The following AGPAT5 variants were observed in gnomAD, a reference collection of about 807,000 sequenced individuals.
AGPAT5 encodes the protein 1-acylglycerol-3-phosphate O-acyltransferase 5.
Under a neutral mutation model 45.6 loss-of-function variants are expected in AGPAT5, and 46 were observed. The ratio of observed to expected loss-of-function variants is 1.01; its 90% CI spans 0.80 to 1.29. AGPAT5 has a LOEUF of 1.29. Ranked by LOEUF, AGPAT5 falls within the 50% of genes most tolerant of loss-of-function variation. The pLI, the probability that AGPAT5 is intolerant of heterozygous loss-of-function variation, is 0.00. For missense variants in AGPAT5, 673 were observed against 450.7 expected (o/e 1.49, Z -4.47); for synonymous variants, 272 against 167.0 (o/e 1.63, Z -4.85).
At chr8:6,715,283 C>G (rs1392596256) in intron 1 of AGPAT5, among the ~76,000 whole-genome samples, 2 of 152,146 alleles carry the variant, frequency 1.3e-5, no homozygotes, top group African/African-American at 4.8e-5. Context: ...TTGTGTGGAG[C>G]TCTGTAAAAG....
intron 6 of AGPAT5, among the ~76,000 whole-genome samples, chr8:6,752,021 A>G (rs1478219408): frequency 1.3e-5 from 2 of 152,190 alleles, no homozygotes; most frequent in Admixed American, 6.5e-5. Context: ...TACTAAAAAT[A>G]CAAAAATTAG....
chr8:6,732,386 C>G (rs1033488520), intron 3 of AGPAT5, among the ~76,000 whole-genome samples, 175 bp from the exon 4 acceptor site: 1 of 152,164 alleles, frequency 6.6e-6, no homozygotes, highest in Non-Finnish European at 1.5e-5. Context: ...TGAGACAAGG[C>G]AATTTTCAGC....
At chr8:6,730,332 T>G (rs1800820711) in intron 2 of AGPAT5, among the ~76,000 whole-genome samples, 1 of 22,402 alleles carries the variant, frequency 4.5e-5, no homozygotes, top group Non-Finnish European at 7.5e-5. Flanking sequence ...TTTTTTTTTT[T>G]TTTTTTTTTT....
At chr8:6,719,598 C>T (rs1800437363) in intron 1 of AGPAT5, among the ~76,000 whole-genome samples, 1 of 152,186 alleles carries the variant, frequency 6.6e-6, no homozygotes, top group Admixed American at 6.5e-5. Flanking sequence ...CCATTATCAG[C>T]ACAAGCTAAT....
rs1420168717 is a variant in AGPAT5 at position 6,759,551 on chromosome 8, A to G, written c.*2163A>G. 6.6e-6 allele frequency: 1 copy of G among 152,112 alleles called. No homozygotes were observed. The highest frequency in any genetic ancestry group is 1.5e-5 in the Non-Finnish European group (1 of 68,012). 9.4% of individuals were successfully genotyped at this position (152,112 alleles called of 1,614,324 possible). ...TTGTATTATTACTGATTTACAGCTT[A>G]GTTATTAATTTTTCTTTATAAGAAT... is the stretch of plus-strand genomic sequence containing the variant. On this transcript the variant is annotated 3_prime_UTR_variant, in exon 8 of 8. Transcript: ENST00000285518.
At chr8:6,751,484 G>C (rs761209686) in intron 6 of AGPAT5, among the ~76,000 whole-genome samples, 6 of 152,216 alleles carry the variant, frequency 3.9e-5, no homozygotes, top group Non-Finnish European at 8.8e-5. Flanking sequence ...AGAAGCTGCA[G>C]TGCTAACAAA....
chr8:6,737,920 C>T lies in AGPAT5; in HGVS notation c.496-3741C>T, dbSNP rs1218003090. Among the ~76,000 whole-genome samples, 4 of 152,152 alleles carry T rather than the reference C, an allele frequency of 2.6e-5. No homozygotes were observed. In the East Asian group the frequency reaches 7.7e-4, roughly 29 times the overall value. On this transcript the variant is annotated intron_variant, in intron 4 of 7. Coordinates refer to ENST00000285518, the MANE Select transcript of AGPAT5 (RefSeq NM_018361.5). ...AAGTTTTTTCCTGCCACTTCTTTAC[C>T]TCTCTCAGCCTTCAGAGAATTAAAG...
chr8:6,714,402 A>C (rs1307703295), intron 1 of AGPAT5, among the ~76,000 whole-genome samples: 1 of 152,222 alleles, frequency 6.6e-6, no homozygotes, highest in African/African-American at 2.4e-5. Context: ...CTGGTTAGGG[A>C]ACTGCTTAAC....
intron 7 of AGPAT5, among the ~76,000 whole-genome samples, chr8:6,756,266 C>T (rs1559746): frequency 0.54 from 82,577 of 151,878 alleles, 22,668 homozygotes; most frequent in Non-Finnish European, 0.57. Context: ...AGCCCAGGTG[C>T]AGTGAGCAGT....
At chr8:6,736,943 A>T (rs754301175) in intron 4 of AGPAT5, among the ~76,000 whole-genome samples, 7 of 152,194 alleles carry the variant, frequency 4.6e-5, no homozygotes, top group Non-Finnish European at 8.8e-5. Context: ...TTTTATGCTT[A>T]CTTCTGCTTT....
chr8:6,738,997 T>G (rs1189835181), intron 4 of AGPAT5, among the ~76,000 whole-genome samples: 1 of 152,102 alleles, frequency 6.6e-6, no homozygotes, highest in Non-Finnish European at 1.5e-5. Flanking sequence ...TGTTTTCATA[T>G]GGTGTAAGAT....
chr8:6,721,616 C>T (rs887040765), intron 1 of AGPAT5, among the ~76,000 whole-genome samples: 3 of 152,148 alleles, frequency 2.0e-5, no homozygotes, highest in East Asian at 1.9e-4. Flanking sequence ...CCCAAGTTCT[C>T]ATCGTAAAAT....
At chr8:6,713,720 AT>A (rs11461696) in intron 1 of AGPAT5, among the ~76,000 whole-genome samples, 1 of 150,318 alleles carries the variant, frequency 6.7e-6, no homozygotes, top group Non-Finnish European at 1.5e-5. Context: ...TGCCCAGCTA[AT>A]TTTTTTTTTG....
chr8:6,733,263 A>G (rs577575687), intron 4 of AGPAT5, among the ~76,000 whole-genome samples: 7 of 152,292 alleles, frequency 4.6e-5, no homozygotes, highest in African/African-American at 1.4e-4. Flanking sequence ...CTCTTTCAGT[A>G]CATGACATGT....
At chr8:6,753,943 G>A (rs1021946839) in intron 6 of AGPAT5, among the ~76,000 whole-genome samples, 1 of 152,172 alleles carries the variant, frequency 6.6e-6, no homozygotes, top group African/African-American at 2.4e-5. Flanking sequence ...AAAACGGGAA[G>A]TGTGTGGGGT....
chr8:6,708,819 G>C lies in AGPAT5; in HGVS notation c.151G>C (p.Asp51His). 1 of 1,611,722 alleles carries C rather than the reference G, an allele frequency of 6.2e-7. No homozygotes were observed. Among genetic ancestry groups the C allele is most frequent in the Non-Finnish European group, 8.5e-7 (1 of 1,179,738 alleles). The change falls in exon 1 of 8, where the codon GAC becomes CAC. Residue 51 changes from aspartate to histidine, a missense_variant. Asp to His is a moderately conservative substitution (Grantham distance 81, BLOSUM62 -1). Coordinates refer to ENST00000285518, the MANE Select transcript of AGPAT5 (RefSeq NM_018361.5). ...FLPARFYQAL[D>H]DRLYCVYQSM... ...GCCCGCCCGCTTCTACCAAGCGCTG[G>C]ACGACCGGCTCTACTGCGTCTACCA...
At chr8:6,743,498 T>C (rs1801309958) in intron 5 of AGPAT5, among the ~76,000 whole-genome samples, 1 of 152,256 alleles carries the variant, frequency 6.6e-6, no homozygotes, top group South Asian at 2.1e-4. Context: ...TTTTTTTGCC[T>C]AAGTTTTATT....
At chr8:6,742,101 C>T (rs1801261519) in intron 5 of AGPAT5, among the ~76,000 whole-genome samples, 1 of 152,122 alleles carries the variant, frequency 6.6e-6, no homozygotes. Context: ...AGATGACAGA[C>T]CTAAGTTGGA....
chr8:6,747,259 A>G lies in AGPAT5; in HGVS notation c.587-411A>G, dbSNP rs529465895. Among the ~76,000 whole-genome samples, 55 of 152,382 alleles carry G rather than the reference A, an allele frequency of 3.6e-4. 1 individual carries two copies. The South Asian group carries it at 0.011, about 31-fold the overall frequency. On this transcript the variant is annotated intron_variant, in intron 5 of 7. Coordinates refer to ENST00000285518, the MANE Select transcript of AGPAT5 (RefSeq NM_018361.5). ...ATGAACCTCAGATCCATGCTGAGCG[A>G]AAGAAGCCAGAAACAGGAGGCCATG...
Sources: gnomAD v4.1 joint callset for allele counts (sites outside exome capture counted in the v4.1 genomes callset) on GRCh38, gnomAD v4.1.1 for gene constraint, MANE v1.5 for transcripts, NCBI Gene and HGNC (gene_info 2026-07-23, HGNC 2026-07-21) for gene names.